The following EML6 variants were observed in gnomAD, a reference collection of about 807,000 sequenced individuals.
EML6 encodes echinoderm microtubule-associated protein-like 6.
In EML6, 154 loss-of-function variants were observed where a neutral mutation model predicts 240.1. The ratio of observed to expected loss-of-function variants is 0.64; its 90% confidence interval spans 0.56 to 0.73. The LOEUF (loss-of-function observed/expected upper bound fraction) is 0.73, where lower values mean the gene tolerates loss of function less well. Among genes scored for constraint, EML6 ranks in the 30% least tolerant of loss-of-function variants. The probability of loss-of-function intolerance (pLI) is 0.00; values close to 1 mark genes in which losing one functional copy is unlikely to be tolerated. For missense variants in EML6, 2,964 were observed against 2,474.6 expected, an observed-to-expected ratio of 1.20 and a Z score of -4.20; for synonymous variants, 1,148 against 899.0, an observed-to-expected ratio of 1.28 and a Z score of -4.95.
intron 26 of EML6, among the ~76,000 whole-genome samples, chr2:54,927,390 T>G (rs1033661005): frequency 2.6e-5 from 4 of 152,200 alleles, no homozygotes; most frequent in African/African-American, 9.7e-5. Flanking sequence ...GTAAATTACT[T>G]AATAAAATTT....
At chr2:54,875,825 T>C (rs1402990371) in intron 16 of EML6, among the ~76,000 whole-genome samples, 1 of 152,154 alleles carries the variant, frequency 6.6e-6, no homozygotes, top group African/African-American at 2.4e-5. Context: ...GAAAACCAGA[T>C]TAGAAATAGA....
intron 7 of EML6, among the ~76,000 whole-genome samples, chr2:54,834,895 T>A (rs1360160806): frequency 1.3e-5 from 2 of 152,250 alleles, no homozygotes; most frequent in Non-Finnish European, 2.9e-5. Flanking sequence ...GCACAGCAGC[T>A]AGAGGGATTA....
chr2:54,831,520 A>T (rs956911679), intron 7 of EML6, among the ~76,000 whole-genome samples: 1 of 152,042 alleles, frequency 6.6e-6, no homozygotes, highest in East Asian at 1.9e-4. Context: ...GCCCTCCGTT[A>T]TACATCAGTC....
intron 22 of EML6, among the ~76,000 whole-genome samples, chr2:54,901,208 G>C (rs906438807): frequency 1.3e-5 from 2 of 152,218 alleles, no homozygotes; most frequent in African/African-American, 4.8e-5. Context: ...TGCACATTTA[G>C]TAGGTAATGG....
At chr2:54,867,981 A>G (rs1315681194) in intron 14 of EML6, 1 of 152,176 alleles carries the variant, frequency 6.6e-6, no homozygotes, top group East Asian at 1.9e-4. Context: ...TCCACTAGCC[A>G]CACACAGTCA....
chr2:54,949,764 A>G (rs1002198882), intron 29 of EML6, among the ~76,000 whole-genome samples: 2 of 152,156 alleles, frequency 1.3e-5, no homozygotes, highest in African/African-American at 4.8e-5. Flanking sequence ...CTTACCGCCT[A>G]TGATTTTTCA....
intron 2 of EML6, among the ~76,000 whole-genome samples, chr2:54,768,681 T>TG (rs1668287804): frequency 6.6e-6 from 1 of 152,198 alleles, no homozygotes; most frequent in Admixed American, 6.5e-5. Context: ...TGTGTGATCT[T>TG]GGGCAAGCCA....
rs543002945 is a variant in EML6, at chr2:54,928,766, G to C, written c.4004+15G>C. On this transcript the variant is annotated intron_variant, in intron 28 of 41. Transcript: ENST00000356458. The stretch of plus-strand genomic sequence containing the variant: ...GTGGAAGAAAGGTATGGTGTTGCCA[G>C]GTTTGCTTGCTTTTATTATACCTGA... 2 of 1,551,652 alleles carry C rather than the reference G, an allele frequency of 1.3e-6. No individual in the cohort carries two copies. Among genetic ancestry groups the C allele is most frequent in the Admixed American group, 3.9e-5 (2 of 50,994 alleles).
intron 7 of EML6, among the ~76,000 whole-genome samples, chr2:54,835,509 A>G (rs1030638042): frequency 1.2e-4 from 18 of 152,280 alleles, no homozygotes; most frequent in Middle Eastern, 3.4e-3. Context: ...CAACTACAGG[A>G]GGTCTTAGAG....
intron 35 of EML6, among the ~76,000 whole-genome samples, chr2:54,961,412 C>G (rs1676508668): frequency 6.6e-6 from 1 of 151,292 alleles, no homozygotes; most frequent in African/African-American, 2.4e-5. Flanking sequence ...TCTCAAAACT[C>G]CTGACCTCAG....
At chr2:54,904,350 G>A (rs529400275) in intron 24 of EML6, among the ~76,000 whole-genome samples, 59 of 152,290 alleles carry the variant, frequency 3.9e-4, no homozygotes, top group African/African-American at 1.4e-3. Flanking sequence ...TGAGAGTCTG[G>A]AGCGGGTACT....
At chr2:54,968,601 G>A (rs1676852461) in intron 40 of EML6, 67 bp from the exon 41 acceptor site, 1 of 907,274 alleles carries the variant, frequency 1.1e-6, no homozygotes, top group Admixed American at 2.0e-5. Context: ...TTGAGTGCTG[G>A]AAGTAGTCTG....
intron 2 of EML6, among the ~76,000 whole-genome samples, chr2:54,726,104 G>A (rs1004728803): frequency 2.0e-5 from 3 of 152,216 alleles, no homozygotes; most frequent in African/African-American, 7.2e-5. Flanking sequence ...AGCAAACAAG[G>A]TATGGGCCAG....
rs757064733 is a variant in EML6, at chr2:54,844,196, C to T, written c.997C>T (p.Leu333=). ...CGAGGGTGAGCTCTGGGCTCTGGCC[C>T]TGCACCCCAAGAAGCCTCTGGCTGT... is the stretch of plus-strand genomic sequence containing the variant. The part of the protein sequence containing the change: ...HCEGELWALA[L]HPKKPLAVTG... Residue 333 remains leucine (L), a synonymous_variant, in exon 8 of 42, where the codon CTG becomes TTG. Transcript: ENST00000356458. 5.6e-5 allele frequency: 87 copies of T among 1,551,586 alleles called. No individual in the cohort carries two copies. The African/African-American group carries it at 1.1e-3, about 19-fold the overall frequency.
At chr2:54,911,214 T>C (rs370051470) in intron 25 of EML6, among the ~76,000 whole-genome samples, 172 bp downstream of exon 25, 4 of 152,322 alleles carry the variant, frequency 2.6e-5, no homozygotes, top group Non-Finnish European at 4.4e-5. Context: ...CCAGAACATA[T>C]GGATTTATCA....
chr2:54,833,943 T>G (rs1164102461), intron 7 of EML6, among the ~76,000 whole-genome samples: 1 of 152,234 alleles, frequency 6.6e-6, no homozygotes, highest in Non-Finnish European at 1.5e-5. Flanking sequence ...ATATATTTTG[T>G]TATAGAAATA....
Position 54,847,590 on chromosome 2 carries a change from T to G in EML6, c.1154T>G (p.Met385Arg), listed in dbSNP as rs1015991838. Residue 385 changes from methionine (M) to arginine (R), a missense_variant, in exon 9 of 42, where the codon ATG (methionine) becomes AGG (arginine). By Grantham distance (91) the Met-to-Arg change is moderately conservative. Coordinates refer to ENST00000356458, the MANE Select transcript of EML6 (RefSeq NM_001039753.4). ...GACGGATCTCAGCTGGCCCTGGGCA[T>G]GAAGGACGGCTCTTTCATTGTTCTC... ...SPDGSQLALG[M>R]KDGSFIVLRV... is the part of the protein sequence containing the mutation. The G allele has an allele frequency of 5.2e-6, 8 of 1,552,262 alleles. No individual in the cohort carries two copies. Among genetic ancestry groups the G allele is most frequent in the African/African-American group, 1.4e-5 (1 of 73,060 alleles).
chr2:54,966,387 G>C (rs1676748264), intron 38 of EML6, among the ~76,000 whole-genome samples: 1 of 152,226 alleles, frequency 6.6e-6, no homozygotes, highest in Non-Finnish European at 1.5e-5. Flanking sequence ...GAGAAGCACT[G>C]CAGGGAGAGA....
chr2:54,858,366 C>T lies in EML6; in HGVS notation c.1658-1168C>T, dbSNP rs530084091. ...GAGAATTTGTGGACATATTTTTAAA[C>T]CTCTGCAAAGAGATAGGCTAATTGA... On this transcript the variant is annotated intron_variant, in intron 11 of 41. Transcript: ENST00000356458. Among the ~76,000 whole-genome samples, 5 of 152,290 alleles carry T rather than the reference C, an allele frequency of 3.3e-5. No homozygotes were observed. The South Asian group carries it at 1.0e-3, about 32-fold the overall frequency.
Sources: gnomAD v4.1 joint callset for allele counts (sites outside exome capture counted in the v4.1 genomes callset) on GRCh38, gnomAD v4.1.1 for gene constraint, MANE v1.5 for transcripts, NCBI Gene and HGNC (gene_info 2026-07-23, HGNC 2026-07-21) for gene names.